Variants in MCF2L2 observed in about 807,000 individuals in gnomAD.
The protein encoded by MCF2L2 is MCF.2 cell line derived transforming sequence-like 2.
A neutral mutation model predicts 150.2 loss-of-function variants in MCF2L2; 102 were observed. The ratio of observed to expected loss-of-function variants is 0.68; its 90% CI spans 0.58 to 0.80. The LOEUF is 0.80. Among genes scored for constraint, MCF2L2 ranks in the 30% least tolerant of loss-of-function variants. The pLI, the probability that MCF2L2 is intolerant of heterozygous loss-of-function variation, is 0.00. For synonymous variants in MCF2L2, 465 were observed against 491.3 expected (o/e 0.95, Z 0.71); for missense variants, 1,256 against 1,372.8 (o/e 0.91, Z 1.34).
chr3:183,383,220 ATTTAT>A (rs1319115387), intron 2 of MCF2L2, among the ~76,000 whole-genome samples: 7 of 148,826 alleles, frequency 4.7e-5, no homozygotes, highest in African/African-American at 1.7e-4. Context: ...ATATTTATTT[ATTTAT>A]TTTATTTATT....
At chr3:183,351,104 T>C (rs906692664) in intron 3 of MCF2L2, among the ~76,000 whole-genome samples, 16 of 149,488 alleles carry the variant, frequency 1.1e-4, no homozygotes, top group African/African-American at 2.7e-4. Context: ...AATATAAATA[T>C]GTAAGTATAA....
At chr3:183,219,970 C>T (rs1458166145) in intron 20 of MCF2L2, 46 bp from the exon 21 acceptor site, 10 of 1,358,400 alleles carry the variant, frequency 7.4e-6, no homozygotes, top group Non-Finnish European at 1.1e-5. Flanking sequence ...TGTACATTGC[C>T]ATCAAAATGT....
intron 15 of MCF2L2, among the ~76,000 whole-genome samples, chr3:183,246,874 A>G (rs1019344448): frequency 6.6e-6 from 1 of 152,170 alleles, no homozygotes; most frequent in African/African-American, 2.4e-5. Context: ...AAAAAAACGT[A>G]ATAGCTAACC....
chr3:183,327,801 TAGA>T (rs1398206450), intron 5 of MCF2L2, among the ~76,000 whole-genome samples: 1 of 152,222 alleles, frequency 6.6e-6, no homozygotes, highest in Non-Finnish European at 1.5e-5. Context: ...GAAGAAAATG[TAGA>T]AGAAAACTGT....
intron 5 of MCF2L2, among the ~76,000 whole-genome samples, chr3:183,331,894 T>C (rs1408274068): frequency 2.6e-5 from 4 of 152,146 alleles, no homozygotes; most frequent in Admixed American, 2.0e-4. Flanking sequence ...AACCATTTAC[T>C]ACATGAAAGT....
chr3:183,353,414 C>T (rs1208522867), intron 3 of MCF2L2, among the ~76,000 whole-genome samples: 4 of 152,172 alleles, frequency 2.6e-5, no homozygotes, highest in South Asian at 2.1e-4. Context: ...TGTATTAGCC[C>T]GTTCCCGCAC....
At chr3:183,231,218 A>G (rs966323715) in intron 15 of MCF2L2, 3 of 668,554 alleles carry the variant, frequency 4.5e-6, no homozygotes, top group South Asian at 3.0e-5. Flanking sequence ...TCACACTGGT[A>G]TCAAGAAGAA....
rs545028507 is a variant in MCF2L2, at chr3:183,389,430, C to CA, written c.160+265dup. Among the ~76,000 whole-genome samples, 568 of 152,308 alleles carry CA rather than the reference C, an allele frequency of 3.7e-3. 3 individuals carry two copies. Among genetic ancestry groups the CA allele is most frequent in the African/African-American group, 0.013 (541 of 41,576 alleles). ...CAGTAGTTGTCTCTTTTTCTTTCCT[C>CA]AAAATCTTTTCAGCTCTGTTATTTA... is the stretch of plus-strand genomic sequence containing the variant. On this transcript the variant is annotated intron_variant, in intron 2 of 29. Coordinates refer to ENST00000328913, the MANE Select transcript of MCF2L2 (RefSeq NM_015078.4).
intron 3 of MCF2L2, chr3:183,378,938 C>A (rs987382543): frequency 3.0e-5 from 5 of 165,992 alleles, no homozygotes; most frequent in African/African-American, 9.6e-5. Flanking sequence ...GATCGTGCCA[C>A]CGCACTCCAC....
Position 183,300,105 on chromosome 3 carries a change from C to A in MCF2L2, c.1205G>T (p.Cys402Phe). ...HYAADAIRPR[C>F]VELRHLCDDF... is the part of the protein sequence containing the mutation. ...GTCACAGAGGTGCCTGAGCTCCACA[C>A]ACCGGGGCCTGATGGCATCTGCTGC... Residue 402 changes from cysteine to phenylalanine, a missense_variant, in exon 11 of 30, where the codon TGT (cysteine) becomes TTT (phenylalanine). Cys to Phe is a radical substitution (Grantham distance 205, BLOSUM62 -2). Transcript: ENST00000328913. 6.2e-7 allele frequency: 1 copy of A among 1,613,984 alleles called. No individual in the cohort carries two copies. The highest frequency in any genetic ancestry group is 8.5e-7 in the Non-Finnish European group (1 of 1,179,958).
At position 183,180,176 on chromosome 3, in the gene MCF2L2, G is replaced by A. The variant is rs1179989201; in HGVS notation, c.3017-17C>T. 1.9e-6 allele frequency: 3 copies of A among 1,542,612 alleles called. No individual in the cohort carries two copies. Among genetic ancestry groups the A allele is most frequent in the Non-Finnish European group, 2.7e-6 (3 of 1,115,896 alleles). ...TGGAGCAGCCTTAGGGAGAGAAAGG[G>A]AAGGATGGGGCCTCTGTGGGGTGGG... is the stretch of plus-strand genomic sequence containing the variant. On this transcript the variant is annotated splice_polypyrimidine_tract_variant and intron_variant, in intron 27 of 29. Transcript: ENST00000328913.
At chr3:183,191,738 A>G (rs1382112332) in intron 27 of MCF2L2, among the ~76,000 whole-genome samples, 3 of 151,880 alleles carry the variant, frequency 2.0e-5, no homozygotes, top group Non-Finnish European at 4.4e-5. Context: ...ATCAACTTTC[A>G]CCTTTTCACT....
In MCF2L2 at chr3:183,197,618, T is replaced by C. The variant is rs1722118522; in HGVS notation, c.2885-2363A>G. Reference sequence around the variant, plus strand: ...ACATACAGTTTTTAAAATTAAATATTATAAGAATTAAAGTCTTTTGCTCTT... The same window carrying C: ...ACATACAGTTTTTAAAATTAAATATCATAAGAATTAAAGTCTTTTGCTCTT... On this transcript the variant is annotated intron_variant, in intron 25 of 29. Coordinates refer to ENST00000328913, the MANE Select transcript of MCF2L2 (RefSeq NM_015078.4). This position sits in a 1 kb window ranked among gnomAD's most constrained non-coding sequence, Gnocchi z 4.5. Among the ~76,000 whole-genome samples, 1 of 152,168 alleles carries C rather than the reference T, an allele frequency of 6.6e-6. No homozygotes were observed. Among genetic ancestry groups the C allele is most frequent in the Non-Finnish European group, 1.5e-5 (1 of 68,032 alleles).
chr3:183,425,848 G>A (rs546582750), intron 1 of MCF2L2, among the ~76,000 whole-genome samples: 146 of 152,156 alleles, frequency 9.6e-4, no homozygotes, highest in Non-Finnish European at 1.2e-3. Context: ...CCAGCTACTC[G>A]GGAGGCTGAG....
At chr3:183,222,489 G>T (rs1376679214) in intron 20 of MCF2L2, among the ~76,000 whole-genome samples, 1 of 152,098 alleles carries the variant, frequency 6.6e-6, no homozygotes, top group Non-Finnish European at 1.5e-5. Flanking sequence ...GGCAGAGGTT[G>T]CAGTGAACTG....
At chr3:183,345,272 A>G (rs552127017) in intron 3 of MCF2L2, among the ~76,000 whole-genome samples, 3 of 152,324 alleles carry the variant, frequency 2.0e-5, no homozygotes, top group South Asian at 2.1e-4. Context: ...AACTCACTCA[A>G]AACTGCACAA....
At chr3:183,314,531 C>T (rs182916153) in intron 7 of MCF2L2, among the ~76,000 whole-genome samples, 302 of 152,068 alleles carry the variant, frequency 2.0e-3, no homozygotes, top group Middle Eastern at 3.4e-3. Context: ...ATTGTTTGGG[C>T]GACCAGACAC....
At chr3:183,368,068 C>G (rs1350796203) in intron 3 of MCF2L2, among the ~76,000 whole-genome samples, 1 of 152,224 alleles carries the variant, frequency 6.6e-6, no homozygotes, top group African/African-American at 2.4e-5. Flanking sequence ...CAAGTTCTTT[C>G]TTCATAGTCT....
rs561326805 is a variant in MCF2L2, at chr3:183,184,056, C to T, written c.3017-3897G>A. Among the ~76,000 whole-genome samples, 4 of 152,264 alleles carry T rather than the reference C, an allele frequency of 2.6e-5. No individual in the cohort carries two copies. In the East Asian group the frequency reaches 7.7e-4, roughly 29 times the overall value. On this transcript the variant is annotated intron_variant, in intron 27 of 29. Coordinates refer to ENST00000328913, the MANE Select transcript of MCF2L2 (RefSeq NM_015078.4). ...TTTTGAGACAGGGGTCTCGCTCTGTCGCCCAGGCTGGAGTGCAGTGGCGTG... is the reference window on the plus strand; with the variant it reads ...TTTTGAGACAGGGGTCTCGCTCTGTTGCCCAGGCTGGAGTGCAGTGGCGTG...
Sources: allele counts gnomAD v4.1 joint callset (sites outside exome capture counted in the v4.1 genomes callset), GRCh38; gene constraint gnomAD v4.1.1; non-coding constraint Gnocchi (gnomAD v3.1); transcripts MANE v1.5; gene names NCBI Gene and HGNC (gene_info 2026-07-23, HGNC 2026-07-21).